MARCHF1: variants seen among roughly 807,000 people sequenced by gnomAD.
MARCHF1 encodes E3 ubiquitin-protein ligase MARCHF1.
Under a neutral mutation model 54.2 loss-of-function variants are expected in MARCHF1, and 40 were observed. The ratio of observed to expected loss-of-function variants is 0.74; its 90% CI spans 0.57 to 0.96. The LOEUF is 0.96. Ranked by LOEUF, MARCHF1 falls within the 40% of genes least tolerant of loss-of-function variation. The pLI, the probability that MARCHF1 is intolerant of heterozygous loss-of-function variation, is 0.00. For synonymous variants in MARCHF1, 236 were observed against 236.3 expected (o/e 1.00, Z 0.01); for missense variants, 586 against 656.5 (o/e 0.89, Z 1.17).
At chr4:163,900,043 C>T (rs1750904130) in intron 3 of MARCHF1, among the ~76,000 whole-genome samples, 1 of 152,036 alleles carries the variant, frequency 6.6e-6, no homozygotes, top group Admixed American at 6.6e-5. Context: ...TCAGTGATCC[C>T]ATCCCCAGGA....
In MARCHF1 at chr4:163,859,644, A is replaced by C. The variant is rs141572806; in HGVS notation, c.-38-5475T>G. On this transcript the variant is annotated intron_variant, in intron 3 of 9. Transcript: ENST00000514618. ...CCAAAGTGCTGGGATTATAGGCATA[A>C]GCCACTGTGCCCGGGCGAGAAAAGC... is the stretch of plus-strand genomic sequence containing the variant. Among the ~76,000 whole-genome samples, 525 of 152,262 alleles carry C rather than the reference A, an allele frequency of 3.4e-3. 5 individuals carry two copies. Among genetic ancestry groups the C allele is most frequent in the African/African-American group, 0.012 (492 of 41,534 alleles).
intron 7 of MARCHF1, among the ~76,000 whole-genome samples, chr4:163,593,868 T>G (rs1044502520): frequency 2.1e-4 from 32 of 152,346 alleles, no homozygotes; most frequent in African/African-American, 6.7e-4. Context: ...TTTTATTCAT[T>G]TATTCACTCA....
At chr4:163,865,121 G>A (rs1243891873) in intron 3 of MARCHF1, among the ~76,000 whole-genome samples, 1 of 151,842 alleles carries the variant, frequency 6.6e-6, no homozygotes, top group Non-Finnish European at 1.5e-5. Flanking sequence ...TTAAGAATAT[G>A]TTTTGCTATG....
At chr4:164,184,552 T>C (rs544754831) in intron 1 of MARCHF1, among the ~76,000 whole-genome samples, 29 of 152,212 alleles carry the variant, frequency 1.9e-4, no homozygotes, top group Non-Finnish European at 3.4e-4. Flanking sequence ...ACCAGTTAAA[T>C]AGTAGCAAGA....
chr4:164,110,818 T>C (rs1204273036), intron 2 of MARCHF1, among the ~76,000 whole-genome samples: 1 of 151,818 alleles, frequency 6.6e-6, no homozygotes, highest in Non-Finnish European at 1.5e-5. Context: ...GGGACTATTT[T>C]ATCTCAATAT....
intron 2 of MARCHF1, among the ~76,000 whole-genome samples, chr4:164,099,735 T>C (rs1455999590): frequency 6.6e-6 from 1 of 152,188 alleles, no homozygotes; most frequent in African/African-American, 2.4e-5. Flanking sequence ...TTTTAAAATA[T>C]ATTATTCAAA....
intron 2 of MARCHF1, among the ~76,000 whole-genome samples, chr4:164,054,963 C>G (rs976047715): frequency 2.0e-5 from 3 of 151,916 alleles, no homozygotes; most frequent in African/African-American, 7.3e-5. Flanking sequence ...ATTATTTATA[C>G]TGTCATGTAA....
chr4:163,706,346 A>C (rs1744949146), intron 4 of MARCHF1, among the ~76,000 whole-genome samples: 1 of 152,036 alleles, frequency 6.6e-6, no homozygotes, highest in South Asian at 2.1e-4. Context: ...GCCAACTTGG[A>C]GTACATACTC....
intron 1 of MARCHF1, among the ~76,000 whole-genome samples, chr4:164,315,568 A>C (rs1261316614): frequency 6.6e-6 from 1 of 152,204 alleles, no homozygotes; most frequent in Non-Finnish European, 1.5e-5. Context: ...TATGGAGACA[A>C]AGTTGTCTAC....
chr4:164,189,758 A>C, intron 1 of MARCHF1: 1 of 1,308,820 alleles, frequency 7.6e-7, no homozygotes, highest in Non-Finnish European at 1.1e-6. Context: ...CAACTGTCAT[A>C]ATCAAGGTCT....
chr4:163,657,640 G>A (rs1334248252), intron 5 of MARCHF1, among the ~76,000 whole-genome samples: 6 of 151,710 alleles, frequency 4.0e-5, no homozygotes, highest in African/African-American at 9.7e-5. Flanking sequence ...TGGAGGCATC[G>A]TGCTTCTGGA....
chr4:163,763,588 T>C (rs1261962908), intron 4 of MARCHF1, among the ~76,000 whole-genome samples: 1 of 152,064 alleles, frequency 6.6e-6, no homozygotes. Flanking sequence ...GAGGGGTTTC[T>C]GAATGACTTT....
At chr4:164,046,910 A>G (rs1249065170) in intron 2 of MARCHF1, among the ~76,000 whole-genome samples, 2 of 152,208 alleles carry the variant, frequency 1.3e-5, no homozygotes, top group Non-Finnish European at 2.9e-5. Flanking sequence ...GGAAATGCAT[A>G]TTAAAGATAG....
At chr4:163,671,406 A>G (rs1003101577) in intron 5 of MARCHF1, among the ~76,000 whole-genome samples, 3 of 152,226 alleles carry the variant, frequency 2.0e-5, no homozygotes, top group Non-Finnish European at 4.4e-5. Flanking sequence ...GTAGAGATTT[A>G]TAATTTGAAC....
At chr4:163,593,085 C>T (rs1346729727) in intron 7 of MARCHF1, among the ~76,000 whole-genome samples, 2 of 152,140 alleles carry the variant, frequency 1.3e-5, no homozygotes, top group African/African-American at 4.8e-5. Flanking sequence ...TGTATTTCTG[C>T]ATAAAGGAAA....
chr4:164,121,236 T>C lies in MARCHF1; in HGVS notation c.-322-9574A>G, dbSNP rs1027800797. Among the ~76,000 whole-genome samples the C allele has an allele frequency of 3.2e-4, 48 of 152,156 alleles. 1 individual carries two copies. Among genetic ancestry groups the C allele is most frequent in the Admixed American group, 2.4e-3 (36 of 15,256 alleles). On this transcript the variant is annotated intron_variant, in intron 1 of 9. Coordinates refer to ENST00000514618, the MANE Select transcript of MARCHF1 (RefSeq NM_001394959.1). ...AATCTAGAAGAAATGGACAAATTTC[T>C]AGATGCATACAACCTACCAAGATTG...
intron 1 of MARCHF1, among the ~76,000 whole-genome samples, chr4:164,203,792 G>T (rs556135366): frequency 2.6e-5 from 4 of 152,160 alleles, no homozygotes; most frequent in Admixed American, 1.3e-4. Context: ...CCTCGCTTGA[G>T]AGTAGACATC....
At chr4:163,658,446 T>C (rs1579166481) in intron 5 of MARCHF1, among the ~76,000 whole-genome samples, 2 of 152,010 alleles carry the variant, frequency 1.3e-5, no homozygotes, top group Admixed American at 1.3e-4. Flanking sequence ...TTTTACACTG[T>C]GGGTGGAAAT....
rs539737356 is a variant in MARCHF1, at chr4:163,540,703, G to A, written c.1339+4893C>T. On this transcript the variant is annotated intron_variant, in intron 9 of 9. Coordinates refer to ENST00000514618, the MANE Select transcript of MARCHF1 (RefSeq NM_001394959.1). ...GTAGTTTTACAAATGAAAAAACTGA[G>A]CTTCAGAGTGATTAATCATTGTATT... is the stretch of plus-strand genomic sequence containing the variant. 1.1e-4 allele frequency among the ~76,000 whole-genome samples: 17 copies of A among 152,302 alleles called. 1 individual carries two copies. Among genetic ancestry groups the A allele is most frequent in the Middle Eastern group, 3.4e-3 (1 of 294 alleles).
Sources: allele counts gnomAD v4.1 joint callset (sites outside exome capture counted in the v4.1 genomes callset), GRCh38; gene constraint gnomAD v4.1.1; transcripts MANE v1.5; gene names NCBI Gene and HGNC (gene_info 2026-07-23, HGNC 2026-07-21).